Variants in SPOCK3 observed in about 807,000 individuals in gnomAD.
The protein encoded by SPOCK3 is testican-3.
SPOCK3 carries 30 observed loss-of-function variants against 56.6 expected under a neutral mutation model. That is an observed-to-expected ratio of 0.53 (90% CI 0.40 to 0.72). The LOEUF (loss-of-function observed/expected upper bound fraction) is 0.72. SPOCK3 is among the 30% of genes least tolerant of loss of function. The probability of loss-of-function intolerance (pLI) is 0.00; values close to 1 mark genes in which losing one functional copy is unlikely to be tolerated. For missense variants in SPOCK3, 527 were observed against 530.0 expected (o/e 0.99, Z 0.06); for synonymous variants, 196 against 183.3 (o/e 1.07, Z -0.56).
intron 2 of SPOCK3, among the ~76,000 whole-genome samples, chr4:167,115,229 C>T (rs1012577356): frequency 2.6e-5 from 4 of 151,104 alleles, no homozygotes; most frequent in Admixed American, 2.0e-4. Context: ...TCTGTGGCGG[C>T]TTTTATGCTA....
chr4:166,880,492 C>G (rs894187003), intron 6 of SPOCK3, among the ~76,000 whole-genome samples: 3 of 152,114 alleles, frequency 2.0e-5, no homozygotes, highest in African/African-American at 7.2e-5. Context: ...AATTCTCCAG[C>G]GTTTACTTTA....
chr4:167,204,151 C>G (rs969130493), intron 2 of SPOCK3, among the ~76,000 whole-genome samples: 1 of 151,912 alleles, frequency 6.6e-6, no homozygotes, highest in Non-Finnish European at 1.5e-5. Flanking sequence ...GCAAAGTAAT[C>G]CTGCCCTTCC....
chr4:166,886,228 G>C (rs1734191462), intron 6 of SPOCK3, among the ~76,000 whole-genome samples: 1 of 151,964 alleles, frequency 6.6e-6, no homozygotes, highest in Non-Finnish European at 1.5e-5. Context: ...AATATCCTTT[G>C]AATGAATTTG....
intron 9 of SPOCK3, among the ~76,000 whole-genome samples, chr4:166,741,703 A>G (rs893763560): frequency 1.3e-5 from 2 of 152,294 alleles, no homozygotes; most frequent in African/African-American, 4.8e-5. Flanking sequence ...TCTTCACCAT[A>G]TAATTTGAAC....
chr4:167,059,209 C>G (rs1303338046), intron 3 of SPOCK3, among the ~76,000 whole-genome samples: 1 of 152,066 alleles, frequency 6.6e-6, no homozygotes, highest in Non-Finnish European at 1.5e-5. Context: ...TCAGAGTGAA[C>G]AGGCAACCTA....
At chr4:166,779,425 T>C (rs945981682) in intron 7 of SPOCK3, among the ~76,000 whole-genome samples, 1 of 151,864 alleles carries the variant, frequency 6.6e-6, no homozygotes, top group Admixed American at 6.6e-5. Context: ...ATTGCAACAA[T>C]AGAAACTAAC....
chr4:167,052,763 C>CTAAAATATAAA (rs1754356926), intron 3 of SPOCK3, among the ~76,000 whole-genome samples: 1 of 151,882 alleles, frequency 6.6e-6, no homozygotes, highest in South Asian at 2.1e-4. Context: ...CATCTGAAAG[C>CTAAAATATAAA]ATAAAAAATA....
At chr4:167,121,696 C>T (rs1240244685) in intron 2 of SPOCK3, among the ~76,000 whole-genome samples, 7 of 152,142 alleles carry the variant, frequency 4.6e-5, no homozygotes, top group African/African-American at 1.7e-4. Flanking sequence ...TCATGTTCAT[C>T]TACTAGCTCC....
chr4:166,936,983 C>CAA (rs1215920626), intron 4 of SPOCK3, among the ~76,000 whole-genome samples: 1 of 151,956 alleles, frequency 6.6e-6, no homozygotes, highest in African/African-American at 2.4e-5. Context: ...GGGTTATTTA[C>CAA]AAGAATATTC....
Position 167,018,478 on chromosome 4 carries a change from T to C in SPOCK3, c.236-18015A>G, listed in dbSNP as rs191642458. On this transcript the variant is annotated intron_variant, in intron 3 of 10. Transcript: ENST00000357545. Reference sequence around the variant, plus strand: ...TCACTAAATATGGTTTGTGATTCTATAGCCATTCGCCCAGAATAAAAGAAC... The same window carrying C: ...TCACTAAATATGGTTTGTGATTCTACAGCCATTCGCCCAGAATAAAAGAAC... 2.6e-3 allele frequency among the ~76,000 whole-genome samples: 399 copies of C among 152,212 alleles called. 1 individual carries two copies. Among genetic ancestry groups the C allele is most frequent in the Non-Finnish European group, 4.4e-3 (298 of 67,990 alleles).
chr4:166,845,303 T>C (rs1747946446), intron 6 of SPOCK3, among the ~76,000 whole-genome samples: 1 of 152,220 alleles, frequency 6.6e-6, no homozygotes, highest in Non-Finnish European at 1.5e-5. Flanking sequence ...AATAAATTTT[T>C]CATTTTAATA....
At chr4:167,061,359 A>T (rs984362818) in intron 3 of SPOCK3, among the ~76,000 whole-genome samples, 2 of 152,028 alleles carry the variant, frequency 1.3e-5, no homozygotes, top group Non-Finnish European at 2.9e-5. Flanking sequence ...TTAGTAACAA[A>T]TTCAAAATTA....
At chr4:166,825,482 T>A (rs1047191436) in intron 6 of SPOCK3, among the ~76,000 whole-genome samples, 2 of 152,054 alleles carry the variant, frequency 1.3e-5, no homozygotes, top group Non-Finnish European at 2.9e-5. Flanking sequence ...GTACAGAGAT[T>A]CCTTAAAGAA....
At chr4:166,894,470 C>G (rs753025746) in intron 5 of SPOCK3, among the ~76,000 whole-genome samples, 3 of 152,090 alleles carry the variant, frequency 2.0e-5, no homozygotes, top group Non-Finnish European at 4.4e-5. Context: ...CAAGCAGTCT[C>G]TAAGGCTCAC....
At chr4:166,768,155 G>A (rs992692073) in intron 7 of SPOCK3, among the ~76,000 whole-genome samples, 17 of 152,162 alleles carry the variant, frequency 1.1e-4, no homozygotes, top group African/African-American at 4.1e-4. Context: ...TTGCCAGTCT[G>A]TGTCTTTTAA....
intron 4 of SPOCK3, among the ~76,000 whole-genome samples, chr4:166,927,348 C>T (rs146839070): frequency 5.3e-5 from 8 of 152,094 alleles, no homozygotes; most frequent in Non-Finnish European, 8.8e-5. Flanking sequence ...TCATGAGACC[C>T]GATGGTTTTA....
chr4:167,221,119 G>A (rs561325650), intron 2 of SPOCK3, among the ~76,000 whole-genome samples: 12 of 152,074 alleles, frequency 7.9e-5, no homozygotes, highest in Middle Eastern at 3.4e-3. Context: ...CAACACTCTG[G>A]GAGGCTGAGG....
intron 4 of SPOCK3, among the ~76,000 whole-genome samples, chr4:166,980,836 T>C (rs1746493894): frequency 1.3e-5 from 2 of 152,232 alleles, no homozygotes; most frequent in Non-Finnish European, 2.9e-5. Context: ...ATCACAGCCC[T>C]GCTTGGGAGG....
chr4:167,038,158 G>C (rs1165902386), intron 3 of SPOCK3, among the ~76,000 whole-genome samples: 6 of 152,158 alleles, frequency 3.9e-5, no homozygotes, highest in African/African-American at 1.4e-4. Flanking sequence ...TCTTATATGT[G>C]AGGAATCCCC....
Sources: gnomAD v4.1 joint callset for allele counts (sites outside exome capture counted in the v4.1 genomes callset) on GRCh38, gnomAD v4.1.1 for gene constraint, MANE v1.5 for transcripts, NCBI Gene and HGNC (gene_info 2026-07-23, HGNC 2026-07-21) for gene names.